PCM1: variants seen among roughly 807,000 people sequenced by gnomAD.
PCM1 encodes pericentriolar material 1.
PCM1 carries 157 observed loss-of-function variants against 241.9 expected under a neutral mutation model. That is an observed-to-expected ratio of 0.65 (90% CI 0.57 to 0.74). The LOEUF (loss-of-function observed/expected upper bound fraction) is 0.74, where lower values mean the gene tolerates loss of function less well. Among genes scored for constraint, PCM1 ranks in the 30% least tolerant of loss-of-function variants. The pLI, the probability that PCM1 is intolerant of heterozygous loss-of-function variation, is 0.00. For missense variants in PCM1, 3,478 were observed against 2,360.1 expected (o/e 1.47, Z -9.81); for synonymous variants, 1,085 against 784.9 (o/e 1.38, Z -6.39).
chr8:17,968,006 A>C (rs967099623), intron 21 of PCM1, among the ~76,000 whole-genome samples: 6 of 151,910 alleles, frequency 3.9e-5, no homozygotes, highest in Non-Finnish European at 7.4e-5. Flanking sequence ...CACGGGTGCC[A>C]TAACAGTAGT....
intron 36 of PCM1, among the ~76,000 whole-genome samples, chr8:18,022,028 C>G (rs997456335): frequency 2.0e-5 from 3 of 152,132 alleles, no homozygotes; most frequent in African/African-American, 4.8e-5. Flanking sequence ...CTTTTGGAAA[C>G]AACAGCAGAG....
At chr8:17,939,916 T>A in intron 6 of PCM1, 55 bp downstream of exon 6, 3 of 1,161,904 alleles carry the variant, frequency 2.6e-6, no homozygotes, top group Non-Finnish European at 3.7e-6. Flanking sequence ...TCAGTGTGTA[T>A]TTACTGATGA....
At chr8:17,937,876 A>G (rs1470683290) in intron 4 of PCM1, among the ~76,000 whole-genome samples, 2 of 152,194 alleles carry the variant, frequency 1.3e-5, no homozygotes, top group African/African-American at 4.8e-5. Context: ...ATAGAGACAC[A>G]CACATTTCCA....
In PCM1 at chr8:17,963,097, A is replaced by T. The variant is rs1168809908; in HGVS notation, c.2464-4A>T. 1.9e-6 allele frequency: 3 copies of T among 1,595,470 alleles called. No homozygotes were observed. Among genetic ancestry groups the T allele is most frequent in the East Asian group, 4.5e-5 (2 of 44,396 alleles). On this transcript the variant is annotated splice_region_variant and splice_polypyrimidine_tract_variant and intron_variant, in intron 16 of 38. Transcript: ENST00000325083. ...ATTTAACTCTGGTTTCTTAAAAAAA[A>T]TAGTTGTGGTCAGAAATGAGAAGAC...
Position 17,966,582 on chromosome 8 carries a change from A to G in PCM1, c.3221+109A>G, listed in dbSNP as rs1468858384. 2.3e-6 allele frequency: 2 copies of G among 877,038 alleles called. 1 individual carries two copies. The highest frequency in any genetic ancestry group is 3.8e-5 in the South Asian group (2 of 53,036). 54.3% of individuals were successfully genotyped at this position (877,038 alleles called of 1,614,324 possible). A position where few individuals can be genotyped will look rare whatever the true frequency, so the allele number is the denominator to read the frequency against. Reference sequence around the variant, plus strand: ...GCAAGACCAAATTGCATATTTGGACATTCTCTTTCCCTTGAGAATTTTATA... The same window carrying G: ...GCAAGACCAAATTGCATATTTGGACGTTCTCTTTCCCTTGAGAATTTTATA... On this transcript the variant is annotated intron_variant, in intron 20 of 38. Coordinates refer to ENST00000325083, the MANE Select transcript of PCM1 (RefSeq NM_006197.4).
intron 2 of PCM1, among the ~76,000 whole-genome samples, chr8:17,928,376 G>A (rs1271876444): frequency 6.6e-6 from 1 of 152,042 alleles, no homozygotes; most frequent in African/African-American, 2.4e-5. Flanking sequence ...CACATTTAAT[G>A]TACAGTCCTT....
In PCM1 at chr8:17,938,924, C is replaced by G. The variant is rs2285302; in HGVS notation, c.527C>G (p.Ala176Gly). The stretch of plus-strand genomic sequence containing the variant: ...TCAGCACAGTGTAAAGAGTTGTTTG[C>G]TTCTGCTTTAAGTAATGACCTCTTG... The part of the protein sequence containing the change: ...IGSAQCKELF[A>G]SALSNDLLQN... The change falls in exon 5 of 39, where the codon GCT becomes GGT. Residue 176 changes from alanine (A) to glycine (G), a missense_variant. Physicochemically the swap from Ala to Gly is moderately conservative, Grantham distance 60. Coordinates refer to ENST00000325083, the MANE Select transcript of PCM1 (RefSeq NM_006197.4). The G allele has an allele frequency of 6.2e-7, 1 of 1,613,710 alleles. No individual in the cohort carries two copies. The highest frequency in any genetic ancestry group is 1.1e-5 in the South Asian group (1 of 91,082).
intron 6 of PCM1, among the ~76,000 whole-genome samples, chr8:17,940,346 C>A (rs147792729): frequency 6.6e-6 from 1 of 152,220 alleles, no homozygotes; most frequent in African/African-American, 2.4e-5. Context: ...TTTATTAACA[C>A]TAAAAATAGT....
Position 17,991,663 on chromosome 8 carries a change from T to C in PCM1, c.4653T>C (p.Asp1551=). The change falls in exon 28 of 39, where the codon GAT becomes GAC. Residue 1551 remains aspartate (D), a synonymous_variant. Coordinates refer to ENST00000325083, the MANE Select transcript of PCM1 (RefSeq NM_006197.4). ...RCTCRIIEDG[D]GAGAGTTVNN... is the part of the protein sequence containing the mutation. The stretch of plus-strand genomic sequence containing the variant: ...CCTGCAGGATTATTGAGGATGGAGA[T>C]GGTGCTGGTGCAGGTACTACAGTTA... The C allele has an allele frequency of 1.3e-6, 2 of 1,560,814 alleles. No homozygotes were observed. The highest frequency in any genetic ancestry group is 1.7e-6 in the Non-Finnish European group (2 of 1,151,692).
At chr8:18,025,758 A>G (rs1263899420) in intron 38 of PCM1, 100 bp downstream of exon 38, 1 of 661,636 alleles carries the variant, frequency 1.5e-6, no homozygotes, top group Admixed American at 3.3e-5. Context: ...CTGACCTGGG[A>G]GATTTAAGCC....
intron 2 of PCM1, among the ~76,000 whole-genome samples, chr8:17,934,521 A>G (rs952868865): frequency 1.3e-5 from 2 of 152,188 alleles, no homozygotes; most frequent in African/African-American, 4.8e-5. Flanking sequence ...TCAGCTTCTC[A>G]AAGTGCTGGG....
At chr8:17,928,616 CTT>C (rs71215287) in intron 2 of PCM1, among the ~76,000 whole-genome samples, 2,913 of 82,162 alleles carry the variant, frequency 0.035, 108 homozygotes, top group African/African-American at 0.092. Context: ...GTATCTCCCT[CTT>C]TTTTTTTTTT....
intron 23 of PCM1, among the ~76,000 whole-genome samples, chr8:17,973,952 G>C (rs1023099340): frequency 1.3e-5 from 2 of 152,138 alleles, no homozygotes; most frequent in Non-Finnish European, 2.9e-5. Context: ...GAAAACCACA[G>C]ATACAAGAGA....
At chr8:17,992,610 C>CTTTTT (rs71545503) in intron 28 of PCM1, among the ~76,000 whole-genome samples, 1 of 128,430 alleles carries the variant, frequency 7.8e-6, no homozygotes. Context: ...ACTACTACTA[C>CTTTTT]TTTTTTTTTT....
At chr8:17,933,496 G>A (rs2059603328) in intron 2 of PCM1, among the ~76,000 whole-genome samples, 1 of 152,140 alleles carries the variant, frequency 6.6e-6, no homozygotes. Flanking sequence ...ATTACATTAA[G>A]CCAATCTACA....
At chr8:17,938,195 G>C (rs529063689) in intron 4 of PCM1, among the ~76,000 whole-genome samples, 11 of 152,282 alleles carry the variant, frequency 7.2e-5, no homozygotes, top group African/African-American at 2.6e-4. Context: ...AACTTTTTAA[G>C]TGCCAACATG....
In PCM1 at chr8:17,938,860, G is replaced by A; in HGVS notation, c.463G>A (p.Asp155Asn). 8 of 1,613,698 alleles carry A rather than the reference G, an allele frequency of 5.0e-6. No homozygotes were observed. Among genetic ancestry groups the A allele is most frequent in the Non-Finnish European group, 6.8e-6 (8 of 1,179,618 alleles). The change falls in exon 5 of 39, where the codon GAT becomes AAT. Residue 155 changes from aspartate (D) to asparagine (N), a missense_variant. Physicochemically the swap from Asp to Asn is conservative, Grantham distance 23 (BLOSUM62 1). Transcript: ENST00000325083. ...GCAGATTAATACTAACAAGAGCAAA[G>A]ATGCATCTACAAACCCCCCAAACAG... ...PMQINTNKSK[D>N]ASTNPPNRET... is the part of the protein sequence containing the mutation.
chr8:18,000,344 A>C (rs115445068), intron 29 of PCM1, among the ~76,000 whole-genome samples: 1 of 152,012 alleles, frequency 6.6e-6, no homozygotes, highest in Non-Finnish European at 1.5e-5. Context: ...TTGAAGGGAA[A>C]CTCCTAGAAG....
rs2060695825 is a variant in PCM1 at position 17,937,264 on chromosome 8, G to A, written c.227G>A (p.Arg76Lys). The change falls in exon 4 of 39, where the codon AGA becomes AAA. Residue 76 changes from arginine to lysine, a missense_variant. Coordinates refer to ENST00000325083, the MANE Select transcript of PCM1 (RefSeq NM_006197.4). ...TCGTCACCAGGAGTTGGAAGGCGAA[G>A]AACAAAGACTCCACATACGTTCCCA... ...PESSPGVGRR[R>K]TKTPHTFPHS... is the part of the protein sequence containing the mutation. The A allele has an allele frequency of 3.7e-6, 6 of 1,611,412 alleles. No individual in the cohort carries two copies. Among genetic ancestry groups the A allele is most frequent in the Non-Finnish European group, 5.1e-6 (6 of 1,178,388 alleles).
Sources: gnomAD v4.1 joint callset for allele counts (sites outside exome capture counted in the v4.1 genomes callset) on GRCh38, gnomAD v4.1.1 for gene constraint, MANE v1.5 for transcripts, NCBI Gene and HGNC (gene_info 2026-07-23, HGNC 2026-07-21) for gene names.